The following CLCA1 variants were observed in gnomAD, a reference collection of about 807,000 sequenced individuals.
CLCA1 encodes the protein chloride channel accessory 1.
A neutral mutation model predicts 85.6 loss-of-function variants in CLCA1; 59 were observed. That is an observed-to-expected ratio of 0.69 (90% CI 0.56 to 0.86). The LOEUF is 0.86. Ranked by LOEUF, CLCA1 falls within the 40% of genes least tolerant of loss-of-function variation. The probability of loss-of-function intolerance (pLI) is 0.00; values close to 1 mark genes in which losing one functional copy is unlikely to be tolerated. For synonymous variants in CLCA1, 396 were observed against 398.3 expected, an observed-to-expected ratio of 0.99 and a Z score of 0.07; for missense variants, 1,022 against 1,101.4, an observed-to-expected ratio of 0.93 and a Z score of 1.02.
chr1:86,498,447 TC>T (rs201495161), intron 12 of CLCA1, 124 bp from the exon 13 acceptor site: 3 of 796,218 alleles, frequency 3.8e-6, no homozygotes, highest in African/African-American at 2.6e-5. Context: ...TAAAATTAAT[TC>T]TGTGTGTGGA....
In CLCA1 at chr1:86,498,736, A is replaced by C; in HGVS notation, c.2278A>C (p.Lys760Gln). The change falls in exon 13 of 14, where the codon AAG becomes CAG. Residue 760 changes from lysine to glutamine, a missense_variant. Coordinates refer to ENST00000394711, the MANE Select transcript of CLCA1 (RefSeq NM_001285.4). ...CCCACCTGGCCAAATCACCGACCTG[A>C]AGGCGGAAATTCACGGGGGCAGTCT... ...LFPPGQITDL[K>Q]AEIHGGSLIN... 6.2e-7 allele frequency: 1 copy of C among 1,614,090 alleles called. No homozygotes were observed. Among genetic ancestry groups the C allele is most frequent in the Non-Finnish European group, 8.5e-7 (1 of 1,180,012 alleles).
At chr1:86,475,189 C>T (rs2753384) in intron 3 of CLCA1, among the ~76,000 whole-genome samples, 23,000 of 152,090 alleles carry the variant, frequency 0.15, 1,906 homozygotes, top group East Asian at 0.33. Context: ...TAAAACCATT[C>T]CTTAATAGTG....
intron 9 of CLCA1, among the ~76,000 whole-genome samples, chr1:86,493,019 T>A (rs1259580911): frequency 6.6e-6 from 1 of 152,076 alleles, no homozygotes; most frequent in East Asian, 1.9e-4. Flanking sequence ...GAAAGTAATA[T>A]TTGAATTTTG....
Position 86,498,907 on chromosome 1 carries a change from G to C in CLCA1, c.2353+96G>C, listed in dbSNP as rs543319031. ...CAGGCAGCCGTGTTCTGATACTTAG[G>C]GGGCAGAAGGCAGGAGGGATCTTGC... is the stretch of plus-strand genomic sequence containing the variant. On this transcript the variant is annotated intron_variant, in intron 13 of 13. Coordinates refer to ENST00000394711, the MANE Select transcript of CLCA1 (RefSeq NM_001285.4). The C allele has an allele frequency of 7.9e-5, 108 of 1,370,228 alleles. 1 individual carries two copies. Among genetic ancestry groups the C allele is most frequent in the Admixed American group, 3.7e-4 (17 of 45,408 alleles). The allele number at this position is 1,370,228 out of a possible 1,614,324, so 84.9% of individuals were successfully genotyped here. A position where few individuals can be genotyped will look rare whatever the true frequency, so the allele number is the denominator to read the frequency against.
At chr1:86,476,608 T>C in intron 4 of CLCA1, 55 bp downstream of exon 4, 2 of 832,328 alleles carry the variant, frequency 2.4e-6, no homozygotes, top group Admixed American at 4.3e-5. Flanking sequence ...CAACCTTTTT[T>C]TCTTGAATTG....
At chr1:86,491,045 A>G (rs1419046666) in intron 8 of CLCA1, among the ~76,000 whole-genome samples, 2 of 152,062 alleles carry the variant, frequency 1.3e-5, no homozygotes, top group African/African-American at 2.4e-5. Context: ...ACTGTACTCC[A>G]CCCTGGGCAA....
intron 5 of CLCA1, among the ~76,000 whole-genome samples, chr1:86,483,190 C>G (rs5744355): frequency 0.1 from 15,463 of 152,166 alleles, 845 homozygotes; most frequent in Middle Eastern, 0.13. Context: ...ATTCCCAGGC[C>G]TATTCAGAAA....
At position 86,468,990 on chromosome 1, in the gene CLCA1, T is replaced by A; in HGVS notation, c.19T>A (p.Ser7Thr). The A allele has an allele frequency of 6.2e-7, 1 of 1,610,654 alleles. No homozygotes were observed. Among genetic ancestry groups the A allele is most frequent in the Non-Finnish European group, 8.5e-7 (1 of 1,178,314 alleles). Residue 7 changes from serine to threonine, a missense_variant, in exon 1 of 14, where the codon TCT (serine) becomes ACT (threonine). Coordinates refer to ENST00000394711, the MANE Select transcript of CLCA1 (RefSeq NM_001285.4). ...TACAGCAATGGGGCCATTTAAGAGT[T>A]CTGTGTTCATCTTGATTCTTCACCT... Reference protein sequence around the residue: MGPFKSSVFILILHLLE... With the variant: MGPFKSTVFILILHLLE...
At chr1:86,494,493 A>G (rs1216042854) in intron 11 of CLCA1, 45 bp downstream of exon 11, 1 of 1,602,612 alleles carries the variant, frequency 6.2e-7, no homozygotes, top group Non-Finnish European at 8.5e-7. Flanking sequence ...TTTTTCCAAG[A>G]AGCAACCAGG....
chr1:86,476,660 A>C (rs538340938), intron 4 of CLCA1, 107 bp downstream of exon 4: 23 of 534,600 alleles, frequency 4.3e-5, no homozygotes, highest in African/African-American at 3.6e-4. Context: ...TTTCTAATTC[A>C]AATTCATTCT....
rs5744378 is a variant in CLCA1, at chr1:86,488,974, G to A, written c.1183-22G>A. The A allele has an allele frequency of 5.2e-3, 8,376 of 1,604,028 alleles. 36 individuals are homozygous for A. The highest frequency in any genetic ancestry group is 6.6e-3 in the Non-Finnish European group (7,685 of 1,173,004). On this transcript the variant is annotated intron_variant, in intron 7 of 13. Coordinates refer to ENST00000394711, the MANE Select transcript of CLCA1 (RefSeq NM_001285.4). ...TTGGCCACCCTAAGTCTGATAACTC[G>A]TGCCCTAAATTCTGTCCTTAGGTGA...
chr1:86,475,430 G>C (rs774831053), intron 3 of CLCA1, among the ~76,000 whole-genome samples: 5 of 152,186 alleles, frequency 3.3e-5, no homozygotes, highest in Non-Finnish European at 7.3e-5. Context: ...CTGAATGCCT[G>C]CTAAGTTCTA....
chr1:86,486,324 T>A (rs1647969624), intron 6 of CLCA1, among the ~76,000 whole-genome samples: 2 of 152,242 alleles, frequency 1.3e-5, no homozygotes, highest in Non-Finnish European at 2.9e-5. Flanking sequence ...TATCTTTTAC[T>A]ATTTATACTC....
intron 6 of CLCA1, among the ~76,000 whole-genome samples, chr1:86,486,107 A>G (rs913350224): frequency 1.3e-5 from 2 of 151,936 alleles, no homozygotes; most frequent in African/African-American, 4.8e-5. Context: ...GAACTCACTC[A>G]CTGTAACGAG....
intron 12 of CLCA1, among the ~76,000 whole-genome samples, chr1:86,497,739 G>A (rs1269977281): frequency 6.6e-6 from 1 of 152,128 alleles, no homozygotes; most frequent in Non-Finnish European, 1.5e-5. Flanking sequence ...AACAATCAAG[G>A]CATTCTTGAA....
At chr1:86,470,087 T>A (rs1412076323) in intron 1 of CLCA1, among the ~76,000 whole-genome samples, 1 of 152,198 alleles carries the variant, frequency 6.6e-6, no homozygotes, top group African/African-American at 2.4e-5. Context: ...GTGGATATAG[T>A]CATTGGCTCT....
intron 3 of CLCA1, 41 bp from the exon 4 acceptor site, chr1:86,476,407 C>A: frequency 1.0e-6 from 1 of 986,486 alleles, no homozygotes; most frequent in Non-Finnish European, 1.6e-6. Context: ...GTAATTTTGC[C>A]ATTCTTATTG....
chr1:86,473,733 A>C lies in CLCA1; in HGVS notation c.308A>C (p.Asp103Ala). Reference protein sequence around the residue: ...RPKLETYKNADVLVAESTPPG... With the variant: ...RPKLETYKNAAVLVAESTPPG... ...AAACTTTTTCTTAAATTTCAGGCTG[A>C]TGTTCTGGTTGCTGAGTCTACTCCT... The change falls in exon 3 of 14, where the codon GAT becomes GCT. Residue 103 changes from aspartate (D) to alanine (A), a missense_variant. Physicochemically the swap from Asp to Ala is moderately radical, Grantham distance 126. Coordinates refer to ENST00000394711, the MANE Select transcript of CLCA1 (RefSeq NM_001285.4). 6.4e-7 allele frequency: 1 copy of C among 1,572,664 alleles called. No individual in the cohort carries two copies. Among genetic ancestry groups the C allele is most frequent in the East Asian group, 2.3e-5 (1 of 44,394 alleles).
At position 86,473,501 on chromosome 1, in the gene CLCA1, G is replaced by A; in HGVS notation, c.247G>A (p.Glu83Lys). 6.2e-7 allele frequency: 1 copy of A among 1,611,920 alleles called. No homozygotes were observed. Among genetic ancestry groups the A allele is most frequent in the Non-Finnish European group, 8.5e-7 (1 of 1,178,348 alleles). Residue 83 changes from glutamate (E) to lysine (K), a missense_variant, in exon 2 of 14, where the codon GAA becomes AAA. Physicochemically the swap from Glu to Lys is moderately conservative, Grantham distance 56 (BLOSUM62 1). Coordinates refer to ENST00000394711, the MANE Select transcript of CLCA1 (RefSeq NM_001285.4). ...YFKNVAILIP[E>K]TWKTKADYVR... ...CAAAAATGTTGCCATTTTGATTCCT[G>A]AAACATGGAAGACAAAGGCTGACTA...
Sources: gnomAD v4.1 joint callset for allele counts (sites outside exome capture counted in the v4.1 genomes callset) on GRCh38, gnomAD v4.1.1 for gene constraint, MANE v1.5 for transcripts, NCBI Gene and HGNC (gene_info 2026-07-23, HGNC 2026-07-21) for gene names.